KCNIP4: variants seen among roughly 807,000 people sequenced by gnomAD.
The protein encoded by KCNIP4 is potassium voltage-gated channel interacting protein 4.
In KCNIP4, 12 loss-of-function variants were observed where a neutral mutation model predicts 34.0. That is an observed-to-expected ratio of 0.35 (90% CI 0.23 to 0.57). The LOEUF is 0.57. Among genes scored for constraint, KCNIP4 ranks in the 20% least tolerant of loss-of-function variants. The probability of loss-of-function intolerance (pLI) is 0.83; values close to 1 mark genes in which losing one functional copy is unlikely to be tolerated. For missense variants in KCNIP4, 238 were observed against 311.7 expected, an observed-to-expected ratio of 0.76 and a Z score of 1.78; for synonymous variants, 124 against 102.2, an observed-to-expected ratio of 1.21 and a Z score of -1.29.
chr4:21,230,969 A>G (rs1289081640), intron 1 of KCNIP4, among the ~76,000 whole-genome samples: 1 of 152,138 alleles, frequency 6.6e-6, no homozygotes, highest in Admixed American at 6.6e-5. Context: ...ACTAATTTAC[A>G]TTTCCACCAA....
chr4:20,915,666 C>CACCTTATATGTAT (rs1191010364), intron 1 of KCNIP4, among the ~76,000 whole-genome samples: 3 of 151,978 alleles, frequency 2.0e-5, no homozygotes, highest in Admixed American at 1.3e-4. Context: ...GAAGAAAATA[C>CACCTTATATGTAT]ATACACCTTA....
At chr4:21,797,668 G>A (rs1720711890) in intron 1 of KCNIP4, among the ~76,000 whole-genome samples, 1 of 151,886 alleles carries the variant, frequency 6.6e-6, no homozygotes, top group African/African-American at 2.4e-5. Flanking sequence ...TTTTTTACTG[G>A]GTTATCTTCT....
chr4:21,091,536 C>T (rs1746996573), intron 1 of KCNIP4, among the ~76,000 whole-genome samples: 1 of 152,182 alleles, frequency 6.6e-6, no homozygotes. Flanking sequence ...ATATGTCATC[C>T]ATTTTATGTA....
intron 1 of KCNIP4, among the ~76,000 whole-genome samples, chr4:21,945,624 A>G (rs111478310): frequency 1.3e-4 from 20 of 152,152 alleles, no homozygotes; most frequent in Non-Finnish European, 2.4e-4. Flanking sequence ...ATTACATCAC[A>G]TAACATCTGC....
chr4:21,155,397 G>T (rs1280219290), intron 1 of KCNIP4, among the ~76,000 whole-genome samples: 11 of 152,184 alleles, frequency 7.2e-5, no homozygotes, highest in African/African-American at 2.7e-4. Flanking sequence ...GTAAATAGGA[G>T]AAAATTTCAA....
chr4:21,488,876 A>C (rs189358164), intron 1 of KCNIP4, among the ~76,000 whole-genome samples: 57 of 152,254 alleles, frequency 3.7e-4, no homozygotes, highest in Middle Eastern at 3.4e-3. Flanking sequence ...CCAAGGAAAA[A>C]TTTGATGGTA....
intron 1 of KCNIP4, among the ~76,000 whole-genome samples, chr4:21,035,756 T>C (rs1004893009): frequency 3.9e-5 from 6 of 152,220 alleles, no homozygotes; most frequent in East Asian, 1.9e-4. Context: ...TTACATTTTC[T>C]AGTGCCTTTT....
chr4:21,658,812 C>T (rs1303330668), intron 1 of KCNIP4, among the ~76,000 whole-genome samples: 5 of 152,184 alleles, frequency 3.3e-5, no homozygotes, highest in Admixed American at 1.3e-4. Flanking sequence ...AATTCCCTCA[C>T]TGCATTGCCC....
intron 1 of KCNIP4, among the ~76,000 whole-genome samples, chr4:21,193,232 G>A (rs1256138066): frequency 6.6e-6 from 1 of 152,132 alleles, no homozygotes; most frequent in Non-Finnish European, 1.5e-5. Context: ...TGTTGGACAA[G>A]CTATTTTTTA....
chr4:21,502,029 A>T (rs1733406135), intron 1 of KCNIP4, among the ~76,000 whole-genome samples: 1 of 151,710 alleles, frequency 6.6e-6, no homozygotes, highest in South Asian at 2.1e-4. Flanking sequence ...ACACACACAC[A>T]ATCACCCAAT....
chr4:21,939,152 T>C lies in KCNIP4; in HGVS notation c.61+9419A>G, dbSNP rs562615654. ...TTCTAACAAGTTAGTTTTACCCTTT[T>C]ACAGTTTAATCTTCCCATTGTAGTG... is the stretch of plus-strand genomic sequence containing the variant. On this transcript the variant is annotated intron_variant, in intron 1 of 8. Coordinates refer to ENST00000382152, the MANE Select transcript of KCNIP4 (RefSeq NM_025221.6). Among the ~76,000 whole-genome samples, 17 of 152,318 alleles carry C rather than the reference T, an allele frequency of 1.1e-4. 1 individual carries two copies. In the East Asian group the frequency reaches 1.7e-3, roughly 16 times the overall value.
At chr4:21,244,687 T>C (rs957703028) in intron 1 of KCNIP4, among the ~76,000 whole-genome samples, 1 of 152,216 alleles carries the variant, frequency 6.6e-6, no homozygotes, top group African/African-American at 2.4e-5. Flanking sequence ...TAATGAATCA[T>C]GAAATTCTTA....
chr4:21,470,093 T>C lies in KCNIP4; in HGVS notation c.61+478478A>G, dbSNP rs573209134. ...CATAAAGCTATGACTCAGAAAGTGA[T>C]GTATGTTGCTTCCTGAACTCACCCA... is the stretch of plus-strand genomic sequence containing the variant. On this transcript the variant is annotated intron_variant, in intron 1 of 8. Transcript: ENST00000382152. 3.9e-4 allele frequency among the ~76,000 whole-genome samples: 59 copies of C among 152,278 alleles called. No homozygotes were observed. In the South Asian group the frequency reaches 7.0e-3, roughly 18 times the overall value.
Position 20,910,582 on chromosome 4 carries a change from A to G in KCNIP4, c.62-27873T>C, listed in dbSNP as rs76107084. Among the ~76,000 whole-genome samples, 1,353 of 152,284 alleles carry G rather than the reference A, an allele frequency of 8.9e-3. 18 individuals carry two copies. The highest frequency in any genetic ancestry group is 0.031 in the African/African-American group (1,275 of 41,556). ...CGAGCCTAACGGAAATTTCAGAGAA[A>G]GCTTTTAGTTCTTTTTCCCTTTCGT... On this transcript the variant is annotated intron_variant, in intron 1 of 8. Coordinates refer to ENST00000382152, the MANE Select transcript of KCNIP4 (RefSeq NM_025221.6).
At chr4:21,529,890 G>A (rs1736529254) in intron 1 of KCNIP4, among the ~76,000 whole-genome samples, 2 of 152,192 alleles carry the variant, frequency 1.3e-5, no homozygotes, top group Admixed American at 1.3e-4. Flanking sequence ...TCAGTGAATA[G>A]AGAGGATTGA....
chr4:21,633,501 C>T (rs1417026970), intron 1 of KCNIP4, among the ~76,000 whole-genome samples: 1 of 152,160 alleles, frequency 6.6e-6, no homozygotes, highest in East Asian at 1.9e-4. Flanking sequence ...ATGTGAAAGT[C>T]ATGCATTGAA....
At chr4:21,203,330 A>C (rs1355176978) in intron 1 of KCNIP4, among the ~76,000 whole-genome samples, 1 of 149,986 alleles carries the variant, frequency 6.7e-6, no homozygotes, top group African/African-American at 2.5e-5. Context: ...GTGTGTATTG[A>C]CTGGATGATT....
At chr4:21,131,965 T>C (rs561144457) in intron 1 of KCNIP4, among the ~76,000 whole-genome samples, 1 of 152,310 alleles carries the variant, frequency 6.6e-6, no homozygotes, top group Non-Finnish European at 1.5e-5. Context: ...GCAGTGTTAA[T>C]CAGTGTTAAT....
chr4:21,167,883 T>C (rs1443627194), intron 1 of KCNIP4, among the ~76,000 whole-genome samples: 1 of 152,216 alleles, frequency 6.6e-6, no homozygotes, highest in East Asian at 1.9e-4. Flanking sequence ...TATTTTCTTT[T>C]GTGAACAGGA....
Sources: allele counts gnomAD v4.1 joint callset (sites outside exome capture counted in the v4.1 genomes callset), GRCh38; gene constraint gnomAD v4.1.1; transcripts MANE v1.5; gene names NCBI Gene and HGNC (gene_info 2026-07-23, HGNC 2026-07-21).